CAMTA1: variants seen among roughly 807,000 people sequenced by gnomAD.
CAMTA1 encodes the protein calmodulin binding transcription activator 1.
Under a neutral mutation model 170.9 loss-of-function variants are expected in CAMTA1, and 27 were observed. The ratio of observed to expected loss-of-function variants is 0.16; its 90% CI spans 0.12 to 0.22. The LOEUF (loss-of-function observed/expected upper bound fraction) is 0.22, where lower values mean the gene tolerates loss of function less well. Among genes scored for constraint, CAMTA1 ranks in the 10% least tolerant of loss-of-function variants. The pLI, the probability that CAMTA1 is intolerant of heterozygous loss-of-function variation, is 1.00. For missense variants in CAMTA1, 1,619 were observed against 2,217.2 expected (o/e 0.73, Z 5.42); for synonymous variants, 833 against 891.5 (o/e 0.93, Z 1.17).
chr1:7,104,131 CTACACACGTACACACAACACACATAT>C (rs1336414676), intron 4 of CAMTA1, among the ~76,000 whole-genome samples: 9 of 83,852 alleles, frequency 1.1e-4, no homozygotes, highest in African/African-American at 4.7e-4. Context: ...ACACACATAA[CTACACACGTACACACAACACACATAT>C]GCATACAACT....
At position 6,989,869 on chromosome 1, in the gene CAMTA1, T is replaced by TG. The variant is rs59585071; in HGVS notation, c.235-101429dup. On this transcript the variant is annotated intron_variant, in intron 3 of 22. Coordinates refer to ENST00000303635, the MANE Select transcript of CAMTA1 (RefSeq NM_015215.4). ...TTATTTTGCCATTATTTACTGACCT[T>TG]GGGGGGTGAGTCCTGGGCTGGAGGA... Among the ~76,000 whole-genome samples, 1,090 of 152,176 alleles carry TG rather than the reference T, an allele frequency of 7.2e-3. 8 individuals are homozygous for TG. The highest frequency in any genetic ancestry group is 0.025 in the African/African-American group (1,031 of 41,500).
chr1:6,856,329 C>T (rs556648051), intron 3 of CAMTA1, among the ~76,000 whole-genome samples: 7 of 146,372 alleles, frequency 4.8e-5, no homozygotes, highest in South Asian at 2.2e-4. Flanking sequence ...TTCCCCCTGC[C>T]GCTTTTTTTT....
At chr1:6,839,551 G>A (rs994688017) in intron 3 of CAMTA1, among the ~76,000 whole-genome samples, 3 of 152,108 alleles carry the variant, frequency 2.0e-5, no homozygotes, top group Non-Finnish European at 4.4e-5. Context: ...TCGTTTAGAG[G>A]GAAAACAATA....
chr1:7,669,529 TGGG>T (rs2096035761), intron 9 of CAMTA1, among the ~76,000 whole-genome samples: 1 of 152,112 alleles, frequency 6.6e-6, no homozygotes, highest in Non-Finnish European at 1.5e-5. Flanking sequence ...GGCACGGAGT[TGGG>T]GGGTAGGGAA....
At chr1:7,165,049 T>C (rs1295386269) in intron 4 of CAMTA1, among the ~76,000 whole-genome samples, 1 of 152,196 alleles carries the variant, frequency 6.6e-6, no homozygotes, top group South Asian at 2.1e-4. Context: ...ACGACAGTAA[T>C]AAAGTAGACA....
intron 3 of CAMTA1, among the ~76,000 whole-genome samples, chr1:6,991,765 C>T (rs1379589972): frequency 6.6e-6 from 1 of 152,044 alleles, no homozygotes; most frequent in Admixed American, 6.5e-5. Flanking sequence ...GTGGAGTGAT[C>T]TCGGTTTACT....
intron 5 of CAMTA1, among the ~76,000 whole-genome samples, chr1:7,378,336 T>A (rs1193507994): frequency 6.6e-6 from 1 of 151,990 alleles, no homozygotes; most frequent in Admixed American, 6.6e-5. Context: ...ATAATCAGAG[T>A]AGCCAAAAGC....
chr1:7,310,647 T>TTC (rs1553129423), intron 5 of CAMTA1, among the ~76,000 whole-genome samples: 62 of 49,178 alleles, frequency 1.3e-3, no homozygotes, highest in African/African-American at 4.9e-3. Flanking sequence ...TTTCTTTCTT[T>TTC]TTTCTTTCTT....
chr1:6,788,276 A>G (rs1557541070), intron 1 of CAMTA1, among the ~76,000 whole-genome samples: 1 of 150,832 alleles, frequency 6.6e-6, no homozygotes, highest in Non-Finnish European at 1.5e-5. Context: ...GTGGAGACTC[A>G]TCCTCCCCAA....
intron 3 of CAMTA1, chr1:6,874,390 TG>T (rs1439618920): frequency 1.3e-5 from 2 of 152,264 alleles, no homozygotes; most frequent in East Asian, 1.9e-4. Context: ...CTCTTTAAAT[TG>T]GGGATGATAA....
chr1:7,104,043 CACACACAACTACACAG>C (rs1558104173), intron 4 of CAMTA1, among the ~76,000 whole-genome samples: 1 of 149,772 alleles, frequency 6.7e-6, no homozygotes, highest in Admixed American at 6.7e-5. Context: ...ATGCATACAA[CACACACAACTACACAG>C]ATGTACACAC....
At chr1:6,914,230 G>A (rs1319712689) in intron 3 of CAMTA1, among the ~76,000 whole-genome samples, 2 of 151,004 alleles carry the variant, frequency 1.3e-5, no homozygotes, top group East Asian at 2.0e-4. Flanking sequence ...TCAGCCTCTC[G>A]AGTAGCTGGG....
intron 2 of CAMTA1, among the ~76,000 whole-genome samples, chr1:6,821,921 G>A (rs1646531828): frequency 6.6e-6 from 1 of 152,152 alleles, no homozygotes; most frequent in South Asian, 2.1e-4. Context: ...GACTAGAAAG[G>A]ATGGTTCGTT....
At chr1:7,366,352 A>G (rs1242273270) in intron 5 of CAMTA1, among the ~76,000 whole-genome samples, 1 of 152,150 alleles carries the variant, frequency 6.6e-6, no homozygotes, top group Non-Finnish European at 1.5e-5. Context: ...TATATTCCAC[A>G]TGGACACAGG....
intron 6 of CAMTA1, among the ~76,000 whole-genome samples, chr1:7,513,061 C>T (rs2094224174): frequency 6.6e-6 from 1 of 152,180 alleles, no homozygotes; most frequent in East Asian, 1.9e-4. Context: ...GACTCCCATC[C>T]CAACACCACC....
At chr1:7,380,523 G>A (rs1017267769) in intron 5 of CAMTA1, among the ~76,000 whole-genome samples, 7 of 152,146 alleles carry the variant, frequency 4.6e-5, no homozygotes, top group African/African-American at 1.2e-4. Context: ...GCAGTGAGCC[G>A]AGATCATGCT....
intron 5 of CAMTA1, among the ~76,000 whole-genome samples, chr1:7,442,930 A>G (rs2092584273): frequency 6.6e-6 from 1 of 152,170 alleles, no homozygotes; most frequent in Non-Finnish European, 1.5e-5. Context: ...GCTATGACAC[A>G]GTGCTACTGC....
At chr1:7,596,511 C>T (rs1039151164) in intron 6 of CAMTA1, among the ~76,000 whole-genome samples, 11 of 152,250 alleles carry the variant, frequency 7.2e-5, no homozygotes, top group Non-Finnish European at 1.6e-4. Context: ...GAAGCACTCC[C>T]CATGGCCACT....
intron 4 of CAMTA1, among the ~76,000 whole-genome samples, chr1:7,220,736 C>T (rs929364394): frequency 5.9e-5 from 9 of 152,216 alleles, no homozygotes; most frequent in East Asian, 5.8e-4. Context: ...TAGGCTGAGT[C>T]GGACAGGGAG....
Sources: allele counts gnomAD v4.1 joint callset (sites outside exome capture counted in the v4.1 genomes callset), GRCh38; gene constraint gnomAD v4.1.1; transcripts MANE v1.5; gene names NCBI Gene and HGNC (gene_info 2026-07-23, HGNC 2026-07-21).